Variants in COBL observed in about 807,000 individuals in gnomAD.
The protein encoded by COBL is protein cordon-bleu.
In COBL, 51 loss-of-function variants were observed where a neutral mutation model predicts 98.8. The observed-to-expected ratio is 0.52, with a 90% CI of 0.41 to 0.65. COBL has a LOEUF of 0.65. Among genes scored for constraint, COBL ranks in the 30% least tolerant of loss-of-function variants. The probability of loss-of-function intolerance (pLI) is 0.00; values close to 1 mark genes in which losing one functional copy is unlikely to be tolerated. For missense variants in COBL, 1,617 were observed against 1,617.5 expected (o/e 1.00, Z 0.01); for synonymous variants, 634 against 651.7 (o/e 0.97, Z 0.41).
intron 5 of COBL, among the ~76,000 whole-genome samples, chr7:51,158,959 G>C (rs528448796): frequency 6.6e-6 from 1 of 152,072 alleles, no homozygotes; most frequent in African/African-American, 2.4e-5. Context: ...GCAGGGAGGC[G>C]AGCTGAGAAA....
chr7:51,220,908 A>G (rs1215957129), intron 1 of COBL, among the ~76,000 whole-genome samples: 1 of 152,180 alleles, frequency 6.6e-6, no homozygotes, highest in East Asian at 1.9e-4. Context: ...TATTTTATAC[A>G]TAGAATACAT....
At chr7:51,257,295 A>AACCT (rs1797278780) in intron 1 of COBL, among the ~76,000 whole-genome samples, 1 of 152,192 alleles carries the variant, frequency 6.6e-6, no homozygotes, top group Admixed American at 6.5e-5. Flanking sequence ...CCCTCAATAA[A>AACCT]ACCTACATCA....
At chr7:51,265,289 T>C (rs1467318669) in intron 1 of COBL, among the ~76,000 whole-genome samples, 2 of 152,120 alleles carry the variant, frequency 1.3e-5, no homozygotes, top group African/African-American at 2.4e-5. Context: ...GGTTGGGAGT[T>C]AAATAGCTGT....
intron 1 of COBL, among the ~76,000 whole-genome samples, chr7:51,313,778 A>C (rs1803285635): frequency 6.6e-6 from 1 of 152,248 alleles, no homozygotes; most frequent in African/African-American, 2.4e-5. Context: ...ATTCAGACAA[A>C]CGCAAAGTAA....
intron 1 of COBL, among the ~76,000 whole-genome samples, chr7:51,244,376 C>T (rs937322751): frequency 3.3e-5 from 5 of 152,202 alleles, no homozygotes; most frequent in African/African-American, 1.2e-4. Flanking sequence ...ACTGACTTTT[C>T]AAATACTTCA....
At chr7:51,195,712 C>T (rs1273987060) in intron 2 of COBL, among the ~76,000 whole-genome samples, 1 of 152,070 alleles carries the variant, frequency 6.6e-6, no homozygotes, top group African/African-American at 2.4e-5. Flanking sequence ...TCTTTCACCT[C>T]GCTGGTTAGC....
chr7:51,293,331 A>G (rs1054370731), intron 1 of COBL, among the ~76,000 whole-genome samples: 2 of 152,244 alleles, frequency 1.3e-5, no homozygotes, highest in African/African-American at 4.8e-5. Flanking sequence ...TTTATTTGTA[A>G]TAGCTAAAAC....
chr7:51,086,559 T>C (rs1583739547), intron 6 of COBL, among the ~76,000 whole-genome samples: 1 of 151,978 alleles, frequency 6.6e-6, no homozygotes, highest in East Asian at 1.9e-4. Flanking sequence ...CTCTCTGGTT[T>C]ATTAACTCAT....
At chr7:51,282,382 C>A (rs1799890258) in intron 1 of COBL, among the ~76,000 whole-genome samples, 1 of 151,932 alleles carries the variant, frequency 6.6e-6, no homozygotes, top group South Asian at 2.1e-4. Context: ...TGATGAAAAA[C>A]CACACCTACA....
At chr7:51,220,649 T>C (rs1793543791) in intron 1 of COBL, among the ~76,000 whole-genome samples, 1 of 152,160 alleles carries the variant, frequency 6.6e-6, no homozygotes, top group South Asian at 2.1e-4. Context: ...GAGGAACATT[T>C]TCTTTTAACA....
chr7:51,136,228 T>G lies in COBL; in HGVS notation c.887A>C (p.Glu296Ala). 6.2e-7 allele frequency: 1 copy of G among 1,613,628 alleles called. No homozygotes were observed. Among genetic ancestry groups the G allele is most frequent in the Non-Finnish European group, 8.5e-7 (1 of 1,180,032 alleles). Residue 296 changes from glutamate (E) to alanine (A), a missense_variant, in exon 6 of 13, where the codon GAG (glutamate) becomes GCG (alanine). Glu to Ala is a moderately radical substitution (Grantham distance 107). Coordinates refer to ENST00000265136, the MANE Select transcript of COBL (RefSeq NM_015198.5). The part of the protein sequence containing the change: ...GSISGVSVKS[E>A]MKKRRAPPPP... Reference sequence around the variant, plus strand: ...AGGAGGGGCTCGGCGCTTCTTCATCTCCGACTTCACGGACACCCCTGAGAT... The same window carrying G: ...AGGAGGGGCTCGGCGCTTCTTCATCGCCGACTTCACGGACACCCCTGAGAT...
chr7:51,087,227 T>C (rs1241670266), intron 6 of COBL, among the ~76,000 whole-genome samples: 1 of 152,118 alleles, frequency 6.6e-6, no homozygotes, highest in Admixed American at 6.5e-5. Context: ...AATTAATATT[T>C]ACTATTTAGT....
intron 7 of COBL, among the ~76,000 whole-genome samples, chr7:51,061,795 T>A (rs983388987): frequency 6.6e-6 from 1 of 152,164 alleles, no homozygotes; most frequent in African/African-American, 2.4e-5. Context: ...TGCTTGAGCA[T>A]CAGAGCTCCA....
At chr7:51,121,949 A>G (rs1562936946) in intron 6 of COBL, among the ~76,000 whole-genome samples, 1 of 152,228 alleles carries the variant, frequency 6.6e-6, no homozygotes, top group Non-Finnish European at 1.5e-5. Context: ...ACGAAGTACA[A>G]GGATAAGAAC....
chr7:51,044,166 G>C (rs534759495), intron 7 of COBL, among the ~76,000 whole-genome samples: 2 of 152,274 alleles, frequency 1.3e-5, no homozygotes, highest in South Asian at 4.2e-4. Context: ...AATCTGGCCT[G>C]GAAGATTCAC....
chr7:51,127,566 G>T (rs1237912269), intron 6 of COBL, among the ~76,000 whole-genome samples: 6 of 152,210 alleles, frequency 3.9e-5, no homozygotes, highest in Non-Finnish European at 1.5e-5. Flanking sequence ...GGAACAGAGT[G>T]TACGGTGGCC....
intron 1 of COBL, among the ~76,000 whole-genome samples, chr7:51,307,656 T>C (rs1802616131): frequency 6.6e-6 from 1 of 152,252 alleles, no homozygotes; most frequent in Admixed American, 6.5e-5. Context: ...AACTGACATA[T>C]TTTTCAGTTT....
At chr7:51,295,709 G>C (rs1801363737) in intron 1 of COBL, among the ~76,000 whole-genome samples, 1 of 152,148 alleles carries the variant, frequency 6.6e-6, no homozygotes. Flanking sequence ...CAGATGATGT[G>C]TCCAACAACT....
chr7:51,045,120 T>C (rs951472333), intron 7 of COBL, among the ~76,000 whole-genome samples: 2 of 152,228 alleles, frequency 1.3e-5, no homozygotes, highest in Admixed American at 1.3e-4. Context: ...AACGTCGCTG[T>C]AGCTCCCTGT....
Sources: gnomAD v4.1 joint callset for allele counts (sites outside exome capture counted in the v4.1 genomes callset) on GRCh38, gnomAD v4.1.1 for gene constraint, MANE v1.5 for transcripts, NCBI Gene and HGNC (gene_info 2026-07-23, HGNC 2026-07-21) for gene names.